EPB41L4B: variants seen among roughly 807,000 people sequenced by gnomAD.
The protein encoded by EPB41L4B is erythrocyte membrane protein band 4.1 like 4B.
In EPB41L4B, 30 loss-of-function variants were observed where a neutral mutation model predicts 112.5. The observed-to-expected ratio is 0.27, with a 90% CI of 0.20 to 0.36. The LOEUF (loss-of-function observed/expected upper bound fraction) is 0.36, where lower values mean the gene tolerates loss of function less well. Among genes scored for constraint, EPB41L4B ranks in the 10% least tolerant of loss-of-function variants. The probability of loss-of-function intolerance (pLI) is 1.00; values close to 1 mark genes in which losing one functional copy is unlikely to be tolerated. For synonymous variants in EPB41L4B, 408 were observed against 439.7 expected, an observed-to-expected ratio of 0.93 and a Z score of 0.90; for missense variants, 1,024 against 1,133.3, an observed-to-expected ratio of 0.90 and a Z score of 1.38.
At chr9:109,275,466 G>A (rs1835779043) in intron 2 of EPB41L4B, among the ~76,000 whole-genome samples, 1 of 152,166 alleles carries the variant, frequency 6.6e-6, no homozygotes, top group Admixed American at 6.5e-5. Flanking sequence ...CATCTCAGCA[G>A]ACTCTCCCAA....
At chr9:109,302,656 CT>C (rs1039013082) in intron 1 of EPB41L4B, among the ~76,000 whole-genome samples, 41 of 152,154 alleles carry the variant, frequency 2.7e-4, no homozygotes, top group African/African-American at 9.9e-4. Context: ...TATATGAGGA[CT>C]AAGAACACAC....
At chr9:109,275,641 G>A (rs1043634095) in intron 2 of EPB41L4B, among the ~76,000 whole-genome samples, 18 of 152,108 alleles carry the variant, frequency 1.2e-4, no homozygotes, top group Non-Finnish European at 1.5e-4. Flanking sequence ...CCATATCCAC[G>A]TCCCAGGTTA....
In EPB41L4B at chr9:109,194,212, C is replaced by G. The variant is rs538423422; in HGVS notation, c.2223+8G>C. 31 of 1,613,470 alleles carry G rather than the reference C, an allele frequency of 1.9e-5. No individual in the cohort carries two copies. Among genetic ancestry groups the G allele is most frequent in the African/African-American group, 2.7e-5 (2 of 74,920 alleles). On this transcript the variant is annotated splice_region_variant and intron_variant, in intron 21 of 25. Transcript: ENST00000374566. ...GGCTGCTCGCCAGGGCTTTCCACCCCCCAATACCTTGGCCCCAGGGGACAG... is the reference window on the plus strand; with the variant it reads ...GGCTGCTCGCCAGGGCTTTCCACCCGCCAATACCTTGGCCCCAGGGGACAG...
chr9:109,232,866 C>T (rs369128562), intron 15 of EPB41L4B, among the ~76,000 whole-genome samples: 1 of 152,194 alleles, frequency 6.6e-6, no homozygotes, highest in South Asian at 2.1e-4. Context: ...CCAATTCTTG[C>T]AGGTTTTTCA....
chr9:109,229,328 C>T lies in EPB41L4B; in HGVS notation c.1410-12183G>A, dbSNP rs1003957633. 5.9e-5 allele frequency among the ~76,000 whole-genome samples: 9 copies of T among 152,196 alleles called. No individual in the cohort carries two copies. The South Asian group carries it at 1.2e-3, about 21-fold the overall frequency. The stretch of plus-strand genomic sequence containing the variant: ...CAGGCCAAGAAATCAACAGATTCCC[C>T]GCCTTTAACAGAATGCCCATGTCTG... On this transcript the variant is annotated intron_variant, in intron 15 of 25. Transcript: ENST00000374566.
intron 15 of EPB41L4B, chr9:109,241,573 C>T: frequency 6.3e-7 from 1 of 1,577,310 alleles, no homozygotes; most frequent in South Asian, 1.2e-5. Context: ...GACACTCGTC[C>T]AAACACATCC....
rs147987864 is a variant in EPB41L4B at position 109,246,810 on chromosome 9, A to T, written c.1344+946T>A. The stretch of plus-strand genomic sequence containing the variant: ...CCGTCCTGAGAAACAGCAAGACGCC[A>T]GCCATAGAAACGTACCTGTGCTCCT... On this transcript the variant is annotated intron_variant, in intron 14 of 25. Coordinates refer to ENST00000374566, the MANE Select transcript of EPB41L4B (RefSeq NM_019114.5). Among the ~76,000 whole-genome samples, 575 of 152,380 alleles carry T rather than the reference A, an allele frequency of 3.8e-3. 6 individuals are homozygous for T. Among genetic ancestry groups the T allele is most frequent in the African/African-American group, 0.013 (547 of 41,590 alleles).
chr9:109,273,057 A>C (rs1231965796), intron 2 of EPB41L4B, among the ~76,000 whole-genome samples: 1 of 152,036 alleles, frequency 6.6e-6, no homozygotes, highest in Non-Finnish European at 1.5e-5. Context: ...CATGATGACC[A>C]AGCCCTATAA....
Position 109,303,519 on chromosome 9 carries a change from TTG to T in EPB41L4B, c.306+16620_306+16621del, listed in dbSNP as rs1447594635. The stretch of plus-strand genomic sequence containing the variant: ...CGCCATCGCACCTGGCTGGTTTTTT[TTG>T]TTTTTGTTTTTTGTAGAGATAGGGT... On this transcript the variant is annotated intron_variant, in intron 1 of 25. Coordinates refer to ENST00000374566, the MANE Select transcript of EPB41L4B (RefSeq NM_019114.5). 2.6e-5 allele frequency among the ~76,000 whole-genome samples: 4 copies of T among 152,118 alleles called. No homozygotes were observed. The East Asian group carries it at 7.7e-4, about 29-fold the overall frequency.
At chr9:109,240,738 T>C in intron 15 of EPB41L4B, 1 of 985,460 alleles carries the variant, frequency 1.0e-6, no homozygotes, top group Non-Finnish European at 1.2e-6. Flanking sequence ...ATTTGAGCCA[T>C]AAATGATCTT....
intron 2 of EPB41L4B, among the ~76,000 whole-genome samples, chr9:109,279,204 T>C (rs539963396): frequency 6.6e-6 from 1 of 151,930 alleles, no homozygotes; most frequent in Non-Finnish European, 1.5e-5. Context: ...TTTCCTTTTT[T>C]TTTTTTTTTC....
intron 1 of EPB41L4B, among the ~76,000 whole-genome samples, chr9:109,316,283 T>C (rs970099199): frequency 3.9e-5 from 6 of 152,356 alleles, no homozygotes; most frequent in Admixed American, 3.9e-4. Flanking sequence ...CCATGGGCCG[T>C]TCCCTCCAAA....
intron 17 of EPB41L4B, 125 bp downstream of exon 17, chr9:109,213,575 G>A: frequency 1.4e-6 from 1 of 722,406 alleles, no homozygotes; most frequent in Admixed American, 2.3e-5. Context: ...GAAATGTCAG[G>A]AAAGATGGAA....
intron 23 of EPB41L4B, among the ~76,000 whole-genome samples, chr9:109,183,887 C>A (rs2118628310): frequency 6.6e-6 from 1 of 152,328 alleles, no homozygotes; most frequent in African/African-American, 2.4e-5. Context: ...TTAGCTCAGA[C>A]CCAAATCAGC....
chr9:109,241,838 T>A (rs1180943208), intron 15 of EPB41L4B: 1 of 1,611,634 alleles, frequency 6.2e-7, no homozygotes, highest in Non-Finnish European at 8.5e-7. Context: ...GAATGGTTAG[T>A]GGGAGAATGG....
chr9:109,224,167 T>A (rs1833685387), intron 15 of EPB41L4B, among the ~76,000 whole-genome samples: 1 of 152,198 alleles, frequency 6.6e-6, no homozygotes, highest in African/African-American at 2.4e-5. Flanking sequence ...AGTTACCATA[T>A]GACTGAGCAA....
chr9:109,244,491 G>A (rs1834475540), intron 14 of EPB41L4B, among the ~76,000 whole-genome samples: 1 of 140,430 alleles, frequency 7.1e-6, no homozygotes, highest in South Asian at 2.3e-4. Flanking sequence ...TGTCACCCAG[G>A]CTGGAGTGCA....
At chr9:109,260,410 C>CTTTTTT (rs35040371) in intron 6 of EPB41L4B, among the ~76,000 whole-genome samples, 8 of 102,502 alleles carry the variant, frequency 7.8e-5, no homozygotes, top group East Asian at 2.9e-4. Context: ...TCAATTGTAT[C>CTTTTTT]TTTTTTTTTT....
intron 24 of EPB41L4B, among the ~76,000 whole-genome samples, chr9:109,180,060 A>C (rs974212302): frequency 6.6e-6 from 1 of 152,078 alleles, no homozygotes; most frequent in Non-Finnish European, 1.5e-5. Flanking sequence ...GTGCCCCTCC[A>C]GTTTTATCAC....
Sources: allele counts gnomAD v4.1 joint callset (sites outside exome capture counted in the v4.1 genomes callset), GRCh38; gene constraint gnomAD v4.1.1; transcripts MANE v1.5; gene names NCBI Gene and HGNC (gene_info 2026-07-23, HGNC 2026-07-21).